SLC35D2: variants seen among roughly 807,000 people sequenced by gnomAD.
SLC35D2 encodes nucleotide sugar transporter SLC35D2.
SLC35D2 carries 43 observed loss-of-function variants against 41.8 expected under a neutral mutation model. That is an observed-to-expected ratio of 1.03 (90% confidence interval 0.81 to 1.33). The LOEUF is 1.33. Ranked by LOEUF, SLC35D2 falls within the 40% of genes most tolerant of loss-of-function variation. The pLI is 0.00. For missense variants in SLC35D2, 380 were observed against 408.4 expected (o/e 0.93, Z 0.60); for synonymous variants, 150 against 163.9 (o/e 0.92, Z 0.65).
At chr9:96,350,908 G>T (rs1410575033) in intron 6 of SLC35D2, 195 bp downstream of exon 6, 2 of 492,892 alleles carry the variant, frequency 4.1e-6, no homozygotes, top group Admixed American at 3.3e-5. Context: ...TATATTCTCA[G>T]AAATTTTCTG....
At position 96,345,298 on chromosome 9, in the gene SLC35D2, C is replaced by G; in HGVS notation, c.591+1G>C. 3 of 1,574,374 alleles carry G rather than the reference C, an allele frequency of 1.9e-6. No individual in the cohort carries two copies. Among genetic ancestry groups the G allele is most frequent in the Non-Finnish European group, 2.6e-6 (3 of 1,148,670 alleles). ...AAAAAGCCATAGGCAAGGTCTGGTA[C>G]CTTTGGGTCCATTTTCTGTTTGGTA... On this transcript the variant is annotated splice_donor_variant, in intron 7 of 11. Coordinates refer to ENST00000253270, the MANE Select transcript of SLC35D2 (RefSeq NM_007001.3). LOFTEE classifies it high-confidence loss of function.
chr9:96,323,685 G>T (rs995893240), intron 10 of SLC35D2, among the ~76,000 whole-genome samples: 1 of 152,100 alleles, frequency 6.6e-6, no homozygotes, highest in Non-Finnish European at 1.5e-5. Context: ...CCAGCACTTT[G>T]GGAGGCCGAG....
In SLC35D2 at chr9:96,351,154, T is replaced by C; in HGVS notation, c.437A>G (p.Asn146Ser). The change falls in exon 6 of 12, where the codon AAC (asparagine) becomes AGC (serine). Residue 146 changes from asparagine (N) to serine (S), a missense_variant. Coordinates refer to ENST00000253270, the MANE Select transcript of SLC35D2 (RefSeq NM_007001.3). ...AATGGCAAAGACACTGAGGATGATG[T>C]TGAGTGAATACTGCTTCCTGTAATA... ...TIILGKQYSL[N>S]IILSVFAIIL... 6.2e-7 allele frequency: 1 copy of C among 1,610,504 alleles called. No individual in the cohort carries two copies. Among genetic ancestry groups the C allele is most frequent in the Non-Finnish European group, 8.5e-7 (1 of 1,176,852 alleles).
Position 96,362,373 on chromosome 9 carries a change from G to A in SLC35D2, c.279+2091C>T, listed in dbSNP as rs1029650405. On this transcript the variant is annotated intron_variant, in intron 3 of 11. Transcript: ENST00000253270. ...AAATAAAAAATTGGCCGGGCATGGC[G>A]GCGCATGCCTGTAATCCCAGCCACT... Among the ~76,000 whole-genome samples, 10 of 152,250 alleles carry A rather than the reference G, an allele frequency of 6.6e-5. No individual in the cohort carries two copies. The South Asian group carries it at 1.0e-3, about 16-fold the overall frequency.
chr9:96,364,113 C>T (rs903479651), intron 3 of SLC35D2, among the ~76,000 whole-genome samples: 1 of 152,016 alleles, frequency 6.6e-6, no homozygotes, highest in South Asian at 2.1e-4. Context: ...GTCAGGAGTT[C>T]GAGACCAGCC....
intron 1 of SLC35D2, among the ~76,000 whole-genome samples, chr9:96,371,685 T>C (rs1286847259): frequency 6.6e-6 from 1 of 150,550 alleles, no homozygotes; most frequent in African/African-American, 2.4e-5. Flanking sequence ...TCTACTTCTC[T>C]TTTCTCCATT....
intron 6 of SLC35D2, among the ~76,000 whole-genome samples, chr9:96,345,799 T>G (rs1268679335): frequency 3.3e-5 from 5 of 152,168 alleles, no homozygotes; most frequent in African/African-American, 4.8e-5. Context: ...GAGGGGCAGC[T>G]GGGCAGAGGC....
chr9:96,378,198 CCAAGCCAGG>C lies in SLC35D2; in HGVS notation c.158+5270_158+5278del, dbSNP rs1468043451. On this transcript the variant is annotated intron_variant, in intron 1 of 11. Coordinates refer to ENST00000253270, the MANE Select transcript of SLC35D2 (RefSeq NM_007001.3). ...CCTGTAATCCCAGCACTTTAGGAGG[CCAAGCCAGG>C]TGGACCACTTGAGCCCAAGAGTTCG... is the stretch of plus-strand genomic sequence containing the variant. 1.6e-3 allele frequency among the ~76,000 whole-genome samples: 239 copies of C among 151,868 alleles called. 4 individuals are homozygous for C. Among genetic ancestry groups the C allele is most frequent in the Non-Finnish European group, 4.6e-4 (31 of 68,008 alleles).
intron 9 of SLC35D2, among the ~76,000 whole-genome samples, chr9:96,333,369 G>A (rs963412341): frequency 1.3e-5 from 2 of 151,344 alleles, no homozygotes; most frequent in Non-Finnish European, 3.0e-5. Context: ...GGCTGAGGCG[G>A]GTGGACCACG....
At chr9:96,317,527 T>G (rs1174570107), downstream of SLC35D2, among the ~76,000 whole-genome samples, 1 of 152,192 alleles carries the variant, frequency 6.6e-6, no homozygotes, top group African/African-American at 2.4e-5. Context: ...GCTGCTGGGC[T>G]GCTCTTAGGG....
chr9:96,364,595 G>C (rs771197478), intron 2 of SLC35D2, 45 bp from the exon 3 acceptor site: 3 of 1,110,190 alleles, frequency 2.7e-6, no homozygotes, highest in South Asian at 2.5e-5. Flanking sequence ...TATCTGCAAA[G>C]ATTGCTTGAG....
At chr9:96,350,197 A>T (rs1829751570) in intron 6 of SLC35D2, among the ~76,000 whole-genome samples, 2 of 151,912 alleles carry the variant, frequency 1.3e-5, no homozygotes, top group Admixed American at 1.3e-4. Flanking sequence ...TAGAGACAGG[A>T]TCTTACTCTT....
chr9:96,351,712 A>G (rs1829822062), intron 5 of SLC35D2, among the ~76,000 whole-genome samples: 2 of 152,174 alleles, frequency 1.3e-5, no homozygotes, highest in Admixed American at 6.6e-5. Flanking sequence ...GTATGTATAC[A>G]TGGACAGTTT....
chr9:96,362,687 G>T (rs1030255345), intron 3 of SLC35D2, among the ~76,000 whole-genome samples: 1 of 151,924 alleles, frequency 6.6e-6, no homozygotes, highest in Non-Finnish European at 1.5e-5. Context: ...CATTCAAATA[G>T]GATGCCTTTT....
rs74481886 is a variant in SLC35D2 at position 96,330,464 on chromosome 9, G to A, written c.752+6253C>T. On this transcript the variant is annotated intron_variant, in intron 9 of 11. Coordinates refer to ENST00000253270, the MANE Select transcript of SLC35D2 (RefSeq NM_007001.3). ...CGCCTTAAACCATACTTAAGTTTCC[G>A]AATGAAGACAGTAACAAAGAAATTT... is the stretch of plus-strand genomic sequence containing the variant. Among the ~76,000 whole-genome samples, 269 of 152,226 alleles carry A rather than the reference G, an allele frequency of 1.8e-3. 2 individuals are homozygous for A. The highest frequency in any genetic ancestry group is 6.1e-3 in the African/African-American group (254 of 41,548).
chr9:96,369,637 T>A (rs933358190), intron 1 of SLC35D2, among the ~76,000 whole-genome samples: 2 of 152,208 alleles, frequency 1.3e-5, no homozygotes, highest in Admixed American at 1.3e-4. Context: ...TATGGATGCC[T>A]GATTTATGAC....
intron 1 of SLC35D2, among the ~76,000 whole-genome samples, chr9:96,373,492 G>C (rs1830797440): frequency 6.6e-6 from 1 of 151,990 alleles, no homozygotes; most frequent in African/African-American, 2.4e-5. Context: ...TTCGAGACCA[G>C]CCTGGCCAAC....
chr9:96,315,125 G>A (rs1290639305), intron 11 of SLC35D2, among the ~76,000 whole-genome samples: 1 of 152,068 alleles, frequency 6.6e-6, no homozygotes, highest in Non-Finnish European at 1.5e-5. Context: ...CCTTTTCATA[G>A]ACTTTTTCTT....
chr9:96,323,647 C>A (rs1451344623), intron 10 of SLC35D2, among the ~76,000 whole-genome samples: 1 of 152,152 alleles, frequency 6.6e-6, no homozygotes, highest in Non-Finnish European at 1.5e-5. Context: ...TAAGACGGGG[C>A]CGGGCTCGGT....
Sources: gnomAD v4.1 joint callset for allele counts (sites outside exome capture counted in the v4.1 genomes callset) on GRCh38, gnomAD v4.1.1 for gene constraint, MANE v1.5 for transcripts, NCBI Gene and HGNC (gene_info 2026-07-23, HGNC 2026-07-21) for gene names.